The following SDK1 variants were observed in gnomAD, a reference collection of about 807,000 sequenced individuals.
The protein encoded by SDK1 is protein sidekick-1.
Under a neutral mutation model 245.5 loss-of-function variants are expected in SDK1, and 157 were observed. That is an observed-to-expected ratio of 0.64 (90% CI 0.56 to 0.73). The LOEUF (loss-of-function observed/expected upper bound fraction) is 0.73, where lower values mean the gene tolerates loss of function less well. Ranked by LOEUF, SDK1 falls within the 30% of genes least tolerant of loss-of-function variation. The pLI is 0.00. For missense variants in SDK1, 3,583 were observed against 3,002.3 expected, an observed-to-expected ratio of 1.19 and a Z score of -4.52; for synonymous variants, 1,647 against 1,278.5, an observed-to-expected ratio of 1.29 and a Z score of -6.15.
intron 22 of SDK1, among the ~76,000 whole-genome samples, chr7:4,094,366 C>T (rs971657042): frequency 6.6e-6 from 1 of 152,126 alleles, no homozygotes; most frequent in East Asian, 1.9e-4. Flanking sequence ...CCGGCCCAGC[C>T]GGGGGTTTGA....
chr7:4,000,023 A>G lies in SDK1; in HGVS notation c.2132-10943A>G, dbSNP rs189693402. Among the ~76,000 whole-genome samples, 379 of 152,316 alleles carry G rather than the reference A, an allele frequency of 2.5e-3. 2 individuals are homozygous for G. Among genetic ancestry groups the G allele is most frequent in the Non-Finnish European group, 3.7e-3 (250 of 68,018 alleles). On this transcript the variant is annotated intron_variant, in intron 14 of 44. Coordinates refer to ENST00000404826, the MANE Select transcript of SDK1 (RefSeq NM_152744.4). ...CAAGATTAACCTGGCAGTGGCCTACAGGGAGCTGTCTGTGAGGCTCAGAGA... is the reference window on the plus strand; with the variant it reads ...CAAGATTAACCTGGCAGTGGCCTACGGGGAGCTGTCTGTGAGGCTCAGAGA...
At chr7:3,478,976 T>G (rs1323676655) in intron 1 of SDK1, among the ~76,000 whole-genome samples, 4 of 152,238 alleles carry the variant, frequency 2.6e-5, no homozygotes, top group Non-Finnish European at 5.9e-5. Flanking sequence ...AATGTCATAA[T>G]GTTTTTTGAA....
At chr7:4,097,337 A>G (rs7790901) in intron 22 of SDK1, among the ~76,000 whole-genome samples, 48,860 of 152,072 alleles carry the variant, frequency 0.32, 9,500 homozygotes, top group African/African-American at 0.55. Context: ...TGTGGTTACC[A>G]TCTTTGTCCT....
At chr7:3,556,909 T>C (rs1168855013) in intron 1 of SDK1, among the ~76,000 whole-genome samples, 2 of 152,172 alleles carry the variant, frequency 1.3e-5, no homozygotes, top group Non-Finnish European at 2.9e-5. Context: ...CTGATGTGAT[T>C]ATTACACATT....
Position 4,237,745 on chromosome 7 carries a change from C to T in SDK1, c.6091C>T (p.Leu2031=). The T allele has an allele frequency of 6.2e-7, 1 of 1,614,150 alleles. No individual in the cohort carries two copies. Among genetic ancestry groups the T allele is most frequent in the Non-Finnish European group, 8.5e-7 (1 of 1,180,026 alleles). ...CCTGCTGGTGGTGTTCGCCCTCGTC[C>T]TGCACGGGCAGAATAAGAAGTATAA... The part of the protein sequence containing the change: ...VILLVVFALV[L]HGQNKKYKNC... Residue 2031 remains leucine (L), a synonymous_variant, in exon 42 of 45, where the codon CTG becomes TTG. Transcript: ENST00000404826.
intron 35 of SDK1, among the ~76,000 whole-genome samples, chr7:4,189,941 CCTTT>C (rs1409668775): frequency 6.6e-6 from 1 of 152,160 alleles, no homozygotes; most frequent in African/African-American, 2.4e-5. Context: ...ATGGGTCCCA[CCTTT>C]CTTCTAAGTG....
Position 3,974,582 on chromosome 7 carries a change from G to C in SDK1, c.1994+37G>C, listed in dbSNP as rs775851140. 4 of 1,592,598 alleles carry C rather than the reference G, an allele frequency of 2.5e-6. No individual in the cohort carries two copies. In the South Asian group the frequency reaches 4.5e-5, roughly 18 times the overall value. ...GACGTTTGGTGTTAGCCAGTCCGCG[G>C]TTTTCTCCGTTACTGTGCCCCTGTT... On this transcript the variant is annotated intron_variant, in intron 13 of 44. Coordinates refer to ENST00000404826, the MANE Select transcript of SDK1 (RefSeq NM_152744.4).
intron 4 of SDK1, among the ~76,000 whole-genome samples, chr7:3,753,092 G>A (rs1269547895): frequency 2.0e-5 from 3 of 152,170 alleles, no homozygotes; most frequent in Non-Finnish European, 2.9e-5. Flanking sequence ...TCACTAAGAT[G>A]GGTGAGGTGG....
At chr7:3,428,325 G>A (rs1345901701) in intron 1 of SDK1, among the ~76,000 whole-genome samples, 1 of 152,172 alleles carries the variant, frequency 6.6e-6, no homozygotes, top group East Asian at 1.9e-4. Flanking sequence ...GCAGAATGAT[G>A]TTAATTAAAC....
intron 22 of SDK1, among the ~76,000 whole-genome samples, chr7:4,085,786 C>T (rs923636596): frequency 2.6e-5 from 4 of 152,070 alleles, no homozygotes; most frequent in Non-Finnish European, 5.9e-5. Context: ...AACTCCTAAC[C>T]TCAAGTGATC....
intron 1 of SDK1, among the ~76,000 whole-genome samples, chr7:3,319,447 C>T (rs894832563): frequency 2.0e-5 from 3 of 152,224 alleles, no homozygotes; most frequent in African/African-American, 4.8e-5. Flanking sequence ...TTCCCATCTA[C>T]ACCCATGGCT....
chr7:3,578,396 G>A (rs911156521), intron 1 of SDK1, among the ~76,000 whole-genome samples: 1 of 151,848 alleles, frequency 6.6e-6, no homozygotes, highest in Non-Finnish European at 1.5e-5. Context: ...AGGCAAAACA[G>A]AACTACTGAT....
intron 4 of SDK1, among the ~76,000 whole-genome samples, chr7:3,705,310 C>G (rs1323306231): frequency 6.6e-6 from 1 of 151,854 alleles, no homozygotes; most frequent in Non-Finnish European, 1.5e-5. Context: ...CTGATTCTTT[C>G]AATCCATGAG....
chr7:3,811,180 G>A (rs1357519324), intron 4 of SDK1, among the ~76,000 whole-genome samples: 1 of 152,158 alleles, frequency 6.6e-6, no homozygotes, highest in Non-Finnish European at 1.5e-5. Context: ...CTTCATCAGT[G>A]TCCTTTTGAT....
intron 1 of SDK1, among the ~76,000 whole-genome samples, chr7:3,470,064 A>T (rs1781132251): frequency 6.6e-6 from 1 of 152,148 alleles, no homozygotes; most frequent in African/African-American, 2.4e-5. Flanking sequence ...TAACACTAGC[A>T]GGGTCTGTGG....
chr7:3,575,121 C>G (rs1477423611), intron 1 of SDK1, among the ~76,000 whole-genome samples: 1 of 152,050 alleles, frequency 6.6e-6, no homozygotes, highest in Admixed American at 6.6e-5. Flanking sequence ...AACCAAATAC[C>G]CTAGACTGGG....
chr7:3,605,782 C>A (rs1041282979), intron 1 of SDK1, among the ~76,000 whole-genome samples: 2 of 151,886 alleles, frequency 1.3e-5, no homozygotes, highest in Non-Finnish European at 2.9e-5. Context: ...AAGGTGATTT[C>A]TATTTTTAGG....
chr7:4,028,044 G>A (rs1014678395), intron 17 of SDK1, among the ~76,000 whole-genome samples: 14 of 151,624 alleles, frequency 9.2e-5, no homozygotes, highest in Non-Finnish European at 1.8e-4. Context: ...GAGGAAGGAA[G>A]GGAGGAGAAA....
intron 11 of SDK1, among the ~76,000 whole-genome samples, chr7:3,969,880 C>T (rs1027146901): frequency 2.6e-5 from 4 of 152,058 alleles, no homozygotes; most frequent in South Asian, 4.2e-4. Flanking sequence ...GAAAATCTTC[C>T]GCTTTTGCTA....
Sources: gnomAD v4.1 joint callset for allele counts (sites outside exome capture counted in the v4.1 genomes callset) on GRCh38, gnomAD v4.1.1 for gene constraint, MANE v1.5 for transcripts, NCBI Gene and HGNC (gene_info 2026-07-23, HGNC 2026-07-21) for gene names.